Variants in C17orf75 observed in about 807,000 individuals in gnomAD.
C17orf75 encodes protein Njmu-R1.
In C17orf75, 32 loss-of-function variants were observed where a neutral mutation model predicts 49.6. The observed-to-expected ratio is 0.65, with a 90% CI of 0.49 to 0.87. C17orf75 has a LOEUF of 0.87. Ranked by LOEUF, C17orf75 falls within the 40% of genes least tolerant of loss-of-function variation. The pLI, the probability that C17orf75 is intolerant of heterozygous loss-of-function variation, is 0.00. For synonymous variants in C17orf75, 158 were observed against 159.5 expected (o/e 0.99, Z 0.07); for missense variants, 428 against 473.9 (o/e 0.90, Z 0.90).
rs1287508531 is a variant in C17orf75, at chr17:32,331,101, G to C, written c.*662C>G. On this transcript the variant is annotated 3_prime_UTR_variant, in exon 10 of 10. Transcript: ENST00000577809. ...CTGACCTCATGATCTGCCCGCCTCAGCCTCCCAAAGTGCTGGGATTACAGG... is the reference window on the plus strand; with the variant it reads ...CTGACCTCATGATCTGCCCGCCTCACCCTCCCAAAGTGCTGGGATTACAGG... The C allele has an allele frequency of 6.6e-6, 1 of 152,322 alleles. No individual in the cohort carries two copies. The highest frequency in any genetic ancestry group is 1.5e-5 in the Non-Finnish European group (1 of 68,144). 9.4% of individuals were successfully genotyped at this position (152,322 alleles called of 1,614,324 possible). A position where few individuals can be genotyped will look rare whatever the true frequency, so the allele number is the denominator to read the frequency against.
upstream of C17orf75, among the ~76,000 whole-genome samples, chr17:32,343,305 GTTTT>G (rs71144816): frequency 1.6e-4 from 23 of 146,446 alleles, no homozygotes; most frequent in South Asian, 8.7e-4. Flanking sequence ...TGTGTTTTGT[GTTTT>G]TTTTTTTTAT....
rs1277461664 is a variant in C17orf75 at position 32,328,991 on chromosome 17, G to T, written c.*2772C>A. 1 of 151,642 alleles carries T rather than the reference G, an allele frequency of 6.6e-6. No individual in the cohort carries two copies. Among genetic ancestry groups the T allele is most frequent in the Non-Finnish European group, 1.5e-5 (1 of 67,966 alleles). The allele number at this position is 151,642 out of a possible 1,614,324, so 9.4% of individuals were successfully genotyped here. ...CATGTTTCTAGTCATGAACTCTGTG[G>T]TTTCTTCTCATGACCAAGATATTCA... On this transcript the variant is annotated 3_prime_UTR_variant, in exon 10 of 10. Transcript: ENST00000577809.
intron 1 of C17orf75, among the ~76,000 whole-genome samples, chr17:32,347,789 C>G (rs534433651): frequency 6.6e-6 from 1 of 152,318 alleles, no homozygotes; most frequent in African/African-American, 2.4e-5. Flanking sequence ...AAGGTCCCAA[C>G]TCTTAATGCT....
At chr17:32,339,410 A>G (rs2041356941) in intron 3 of C17orf75, among the ~76,000 whole-genome samples, 1 of 132,452 alleles carries the variant, frequency 7.5e-6, no homozygotes. Context: ...CCCATTTCTA[A>G]AAAAAAAAAA....
Position 32,337,942 on chromosome 17 carries a change from T to A in C17orf75, c.504A>T (p.Glu168Asp). Reference sequence around the variant, plus strand: ...TCAGCCCTTGAATGTACTTGTCCAATTCAAGCCTGAAAGTATGTTCTTAAG... The same window carrying A: ...TCAGCCCTTGAATGTACTTGTCCAAATCAAGCCTGAAAGTATGTTCTTAAG... ...SEKGLELFRL[E>D]LDKYIQGLKN... The change falls in exon 5 of 10, where the codon GAA becomes GAT. Residue 168 changes from glutamate (E) to aspartate (D), a missense_variant. Glu to Asp is a conservative substitution (Grantham distance 45, BLOSUM62 2). Transcript: ENST00000577809. 6.2e-7 allele frequency: 1 copy of A among 1,603,920 alleles called. No individual in the cohort carries two copies. Among genetic ancestry groups the A allele is most frequent in the Non-Finnish European group, 8.5e-7 (1 of 1,174,384 alleles).
chr17:32,341,671 G>T (rs934753023), intron 1 of C17orf75: 1 of 419,846 alleles, frequency 2.4e-6, no homozygotes, highest in Non-Finnish European at 3.5e-6. Context: ...TGACAGAAAG[G>T]AGAGGGGACG....
upstream of C17orf75, chr17:32,344,028 G>A: frequency 1.5e-6 from 1 of 675,954 alleles, no homozygotes; most frequent in South Asian, 1.5e-5. Flanking sequence ...AACCAAAACT[G>A]GGTGCATTGT....
chr17:32,338,203 G>C lies in C17orf75; in HGVS notation c.491+5C>G. 1 of 1,609,324 alleles carries C rather than the reference G, an allele frequency of 6.2e-7. No individual in the cohort carries two copies. Among genetic ancestry groups the C allele is most frequent in the Non-Finnish European group, 8.5e-7 (1 of 1,178,912 alleles). On this transcript the variant is annotated splice_donor_5th_base_variant and intron_variant, in intron 4 of 9. Coordinates refer to ENST00000577809, the MANE Select transcript of C17orf75 (RefSeq NM_022344.4). ...TGATGTTCTCAAAAACCAAAGAAAGGATATAGCTCAAGTCCTTTTTCAGAC... is the reference window on the plus strand; with the variant it reads ...TGATGTTCTCAAAAACCAAAGAAAGCATATAGCTCAAGTCCTTTTTCAGAC...
chr17:32,348,884 G>A (rs868675749), intron 1 of C17orf75, among the ~76,000 whole-genome samples: 4 of 15,010 alleles, frequency 2.7e-4, no homozygotes, highest in African/African-American at 1.5e-3. Context: ...TTTTTTTTTT[G>A]AGACGGAGTC....
chr17:32,348,575 T>C (rs997827000), intron 1 of C17orf75, among the ~76,000 whole-genome samples: 1 of 152,196 alleles, frequency 6.6e-6, no homozygotes, highest in East Asian at 1.9e-4. Flanking sequence ...TTACTAGTTA[T>C]TATTATATGC....
At position 32,331,938 on chromosome 17, in the gene C17orf75, T is replaced by C. The variant is rs2041277465; in HGVS notation, c.1016A>G (p.Gln339Arg). 6.2e-7 allele frequency: 1 copy of C among 1,613,338 alleles called. No homozygotes were observed. The highest frequency in any genetic ancestry group is 8.5e-7 in the Non-Finnish European group (1 of 1,179,666). The part of the protein sequence containing the change: ...DTNNLKRFIR[Q>R]AEMNHYALFK... ...CAAAGCATAATGATTCATTTCTGCC[T>C]GTCGGATAAATCTCTTCAAATTGTT... is the stretch of plus-strand genomic sequence containing the variant. The change falls in exon 10 of 10, where the codon CAG becomes CGG. Residue 339 changes from glutamine to arginine, a missense_variant. Transcript: ENST00000577809.
chr17:32,342,193 G>A (rs1484934657), upstream of C17orf75: 8 of 1,464,442 alleles, frequency 5.5e-6, no homozygotes, highest in Non-Finnish European at 7.3e-6. Flanking sequence ...CCCTGCTCCC[G>A]TGCAGCCGTC....
At chr17:32,335,877 T>C (rs2041319997) in intron 5 of C17orf75, among the ~76,000 whole-genome samples, 1 of 152,202 alleles carries the variant, frequency 6.6e-6, no homozygotes, top group Non-Finnish European at 1.5e-5. Flanking sequence ...ATTAGTCATG[T>C]AGATAGAGAA....
At chr17:32,339,545 C>A (rs1056933395) in intron 3 of C17orf75, among the ~76,000 whole-genome samples, 1 of 151,782 alleles carries the variant, frequency 6.6e-6, no homozygotes, top group Non-Finnish European at 1.5e-5. Context: ...TGTAATCGGG[C>A]CGCTGCACTC....
At position 32,338,348 on chromosome 17, in the gene C17orf75, A is replaced by G. The variant is rs774176100; in HGVS notation, c.351T>C (p.Ile117=). The part of the protein sequence containing the change: ...LGNVASVELK[I]PGYRVGCYYC... ...AATAACAACCAACTCGGTAACCTGG[A>G]ATTCTAGAAAAGAAAGAAAATGTAA... The change falls in exon 4 of 10, where the codon ATT becomes ATC. Residue 117 remains isoleucine, a synonymous_variant. Coordinates refer to ENST00000577809, the MANE Select transcript of C17orf75 (RefSeq NM_022344.4). The G allele has an allele frequency of 2.4e-5, 38 of 1,596,328 alleles. No homozygotes were observed. The highest frequency in any genetic ancestry group is 3.1e-5 in the Non-Finnish European group (36 of 1,175,726).
chr17:32,346,729 G>C (rs1301147976), upstream of C17orf75, among the ~76,000 whole-genome samples: 1 of 151,854 alleles, frequency 6.6e-6, no homozygotes, highest in Non-Finnish European at 1.5e-5. Flanking sequence ...CACGCCACTA[G>C]GCCCAGCTAA....
chr17:32,332,156 C>CT (rs752976657), intron 9 of C17orf75, among the ~76,000 whole-genome samples, 178 bp from the exon 10 acceptor site: 4 of 151,858 alleles, frequency 2.6e-5, no homozygotes, highest in South Asian at 2.1e-4. Context: ...AGAAAATCTC[C>CT]TTTTTTTTCT....
chr17:32,334,527 C>T lies in C17orf75; in HGVS notation c.813G>A (p.Glu271=), dbSNP rs1056298082. ...MTSLCMAMTE[E]QHKSVVIDCS... ...AATCGATGACCACAGACTTATGCTG[C>T]TCCTCTGTCATGGCCATGCACAAAG... is the stretch of plus-strand genomic sequence containing the variant. The change falls in exon 8 of 10, where the codon GAG becomes GAA. Residue 271 remains glutamate (E), a synonymous_variant. Transcript: ENST00000577809. 5.6e-6 allele frequency: 9 copies of T among 1,612,352 alleles called. No individual in the cohort carries two copies. The highest frequency in any genetic ancestry group is 7.6e-6 in the Non-Finnish European group (9 of 1,179,376).
chr17:32,346,300 G>C (rs2041424836), upstream of C17orf75, among the ~76,000 whole-genome samples: 1 of 152,098 alleles, frequency 6.6e-6, no homozygotes, highest in South Asian at 2.1e-4. Flanking sequence ...TGGCCCTGTA[G>C]TCCCTGCTAC....
Sources: gnomAD v4.1 joint callset for allele counts (sites outside exome capture counted in the v4.1 genomes callset) on GRCh38, gnomAD v4.1.1 for gene constraint, MANE v1.5 for transcripts, NCBI Gene and HGNC (gene_info 2026-07-23, HGNC 2026-07-21) for gene names.